The following RPRD1B variants were observed in gnomAD, a reference collection of about 807,000 sequenced individuals.
The protein encoded by RPRD1B is regulation of nuclear pre-mRNA domain containing 1B.
In RPRD1B, 11 loss-of-function variants were observed where a neutral mutation model predicts 41.5. That is an observed-to-expected ratio of 0.27 (90% CI 0.17 to 0.44). RPRD1B has a LOEUF of 0.44. Ranked by LOEUF, RPRD1B falls within the 20% of genes least tolerant of loss-of-function variation. RPRD1B has a pLI of 1.00. For missense variants in RPRD1B, 248 were observed against 389.9 expected, an observed-to-expected ratio of 0.64 and a Z score of 3.06; for synonymous variants, 158 against 155.6, an observed-to-expected ratio of 1.02 and a Z score of -0.12.
In RPRD1B at chr20:38,057,663, A is replaced by G; in HGVS notation, c.528+19A>G. 1 of 1,559,716 alleles carries G rather than the reference A, an allele frequency of 6.4e-7. No homozygotes were observed. The highest frequency in any genetic ancestry group is 1.8e-4 in the Middle Eastern group (1 of 5,572). Reference sequence around the variant, plus strand: ...CCTCTTGGTAGGTCTTGACCCCCAGAGAGTAGGGAACAGTGGCTTAAAGTG... The same window carrying G: ...CCTCTTGGTAGGTCTTGACCCCCAGGGAGTAGGGAACAGTGGCTTAAAGTG... On this transcript the variant is annotated intron_variant, in intron 4 of 6. Transcript: ENST00000373433.
intron 6 of RPRD1B, among the ~76,000 whole-genome samples, chr20:38,082,541 C>G (rs1246326610): frequency 1.3e-5 from 2 of 152,164 alleles, no homozygotes; most frequent in Non-Finnish European, 2.9e-5. Flanking sequence ...GCACCTGCTA[C>G]CATGCCTGGC....
At chr20:38,073,204 T>C (rs2074428323) in intron 6 of RPRD1B, among the ~76,000 whole-genome samples, 1 of 152,222 alleles carries the variant, frequency 6.6e-6, no homozygotes, top group Admixed American at 6.5e-5. Context: ...TGACATTTTA[T>C]GTGGGGTCAT....
intron 6 of RPRD1B, among the ~76,000 whole-genome samples, chr20:38,072,710 G>A (rs2074424315): frequency 1.3e-5 from 2 of 152,134 alleles, no homozygotes; most frequent in Non-Finnish European, 2.9e-5. Flanking sequence ...AGCACTCTAG[G>A]AGAGTGTCAT....
rs140408970 is a variant in RPRD1B, at chr20:38,050,137, C to T, written c.415+1656C>T. On this transcript the variant is annotated intron_variant, in intron 3 of 6. Coordinates refer to ENST00000373433, the MANE Select transcript of RPRD1B (RefSeq NM_021215.4). ...ACATGCATCTGCTATAGAACCTAGT[C>T]ATGATTAGCATGTGTGACAGTATCC... Among the ~76,000 whole-genome samples the T allele has an allele frequency of 7.1e-3, 1,087 of 152,326 alleles. 5 individuals carry two copies. The highest frequency in any genetic ancestry group is 0.021 in the African/African-American group (870 of 41,564).
chr20:38,081,769 T>A (rs2074514807), intron 6 of RPRD1B, among the ~76,000 whole-genome samples: 1 of 152,226 alleles, frequency 6.6e-6, no homozygotes, highest in East Asian at 1.9e-4. Context: ...GAAGGGATGT[T>A]GAATTGTATC....
intron 5 of RPRD1B, among the ~76,000 whole-genome samples, chr20:38,062,322 C>G: frequency 6.6e-6 from 1 of 152,296 alleles, no homozygotes; most frequent in Non-Finnish European, 1.5e-5. Flanking sequence ...CAGCCATTCT[C>G]ACCCAATTTC....
intron 6 of RPRD1B, among the ~76,000 whole-genome samples, chr20:38,076,905 C>CTTTTTTTTTTTT (rs1568660539): frequency 1.1e-5 from 1 of 95,196 alleles, no homozygotes; most frequent in African/African-American, 4.1e-5. Flanking sequence ...TCATTCTGGA[C>CTTTTTTTTTTTT]CTTTTTTTTT....
At chr20:38,084,421 T>C (rs1416896522) in intron 6 of RPRD1B, among the ~76,000 whole-genome samples, 2 of 151,936 alleles carry the variant, frequency 1.3e-5, no homozygotes, top group African/African-American at 4.8e-5. Context: ...AGAAGGAAAA[T>C]AGGTTTAATA....
Position 38,090,787 on chromosome 20 carries a change from G to T in RPRD1B, c.*912G>T, listed in dbSNP as rs1232075916. 2 of 985,248 alleles carry T rather than the reference G, an allele frequency of 2.0e-6. No homozygotes were observed. The highest frequency in any genetic ancestry group is 9.4e-5 in the South Asian group (2 of 21,288). 61.0% of individuals were successfully genotyped at this position (985,248 alleles called of 1,614,324 possible). ...GGTGTTTCTTGGACCCTTTCTTCTGGGAGTAGGGTACACACTAACGTTTAA... is the reference window on the plus strand; with the variant it reads ...GGTGTTTCTTGGACCCTTTCTTCTGTGAGTAGGGTACACACTAACGTTTAA... On this transcript the variant is annotated 3_prime_UTR_variant, in exon 7 of 7. Coordinates refer to ENST00000373433, the MANE Select transcript of RPRD1B (RefSeq NM_021215.4).
At chr20:38,042,210 C>G (rs570530248) in intron 2 of RPRD1B, among the ~76,000 whole-genome samples, 2 of 152,090 alleles carry the variant, frequency 1.3e-5, no homozygotes, top group Non-Finnish European at 2.9e-5. Context: ...AAAAATTAGC[C>G]AGGCATGGTG....
intron 6 of RPRD1B, among the ~76,000 whole-genome samples, chr20:38,077,647 T>C (rs1458428208): frequency 1.3e-5 from 2 of 152,178 alleles, no homozygotes; most frequent in Middle Eastern, 3.2e-3. Context: ...TTCATGAATC[T>C]GCCTCCCTTC....
At chr20:38,035,419 A>G (rs2073991495) in intron 1 of RPRD1B, among the ~76,000 whole-genome samples, 1 of 152,188 alleles carries the variant, frequency 6.6e-6, no homozygotes, top group Non-Finnish European at 1.5e-5. Context: ...AGGAAACTGA[A>G]GTGGCTAAGT....
intron 5 of RPRD1B, among the ~76,000 whole-genome samples, chr20:38,063,428 A>G (rs2074320654): frequency 6.6e-6 from 1 of 152,248 alleles, no homozygotes; most frequent in Non-Finnish European, 1.5e-5. Flanking sequence ...GCCTAGTTAT[A>G]AGAACTCAAA....
At chr20:38,034,654 A>G (rs2073976138) in intron 1 of RPRD1B, among the ~76,000 whole-genome samples, 1 of 152,220 alleles carries the variant, frequency 6.6e-6, no homozygotes, top group African/African-American at 2.4e-5. Flanking sequence ...CCTCGCACTC[A>G]GTCCTTAGAA....
In RPRD1B at chr20:38,034,063, C is replaced by T. The variant is rs776063944; in HGVS notation, c.116C>T (p.Pro39Leu). The change falls in exon 1 of 7, where the codon CCC (proline) becomes CTC (leucine). Residue 39 changes from proline (P) to leucine (L), a missense_variant. Coordinates refer to ENST00000373433, the MANE Select transcript of RPRD1B (RefSeq NM_021215.4). ...ATCCACCACCGCAAGCACGCGGGAC[C>T]CATCGTCTCCGTGTGGCACCGCGAG... ...WLIHHRKHAG[P>L]IVSVWHRELR... 1.9e-6 allele frequency: 3 copies of T among 1,614,166 alleles called. No individual in the cohort carries two copies. Among genetic ancestry groups the T allele is most frequent in the Non-Finnish European group, 1.7e-6 (2 of 1,180,000 alleles).
chr20:38,065,883 AG>A, intron 5 of RPRD1B, 197 bp from the exon 6 acceptor site: 2 of 477,782 alleles, frequency 4.2e-6, no homozygotes, highest in Non-Finnish European at 7.4e-6. Flanking sequence ...CAGGTAATTG[AG>A]TAGTGTCCTG....
intron 6 of RPRD1B, among the ~76,000 whole-genome samples, chr20:38,079,827 T>C (rs981801043): frequency 2.0e-5 from 3 of 152,214 alleles, no homozygotes; most frequent in Admixed American, 6.5e-5. Context: ...CTGAACTAAT[T>C]TACATTCTCA....
rs1328168909 is a variant in RPRD1B, at chr20:38,089,988, CA to C, written c.*114del. 1 of 1,486,234 alleles carries C rather than the reference CA, an allele frequency of 6.7e-7. No homozygotes were observed. The highest frequency in any genetic ancestry group is 1.4e-5 in the African/African-American group (1 of 71,168). The allele number at this position is 1,486,234 out of a possible 1,614,324, so 92.1% of individuals were successfully genotyped here. ...CTATCCCTTCTTCCGCCCAGCCCCC[CA>C]GCCTCAAGAAAGAACCTCAGACTCT... On this transcript the variant is annotated 3_prime_UTR_variant, in exon 7 of 7. Coordinates refer to ENST00000373433, the MANE Select transcript of RPRD1B (RefSeq NM_021215.4).
At chr20:38,051,754 C>T (rs988757757) in intron 3 of RPRD1B, among the ~76,000 whole-genome samples, 5 of 152,110 alleles carry the variant, frequency 3.3e-5, no homozygotes, top group Admixed American at 6.6e-5. Flanking sequence ...TGAATCCTAG[C>T]TGTCATTTCT....
Sources: gnomAD v4.1 joint callset for allele counts (sites outside exome capture counted in the v4.1 genomes callset) on GRCh38, gnomAD v4.1.1 for gene constraint, MANE v1.5 for transcripts, NCBI Gene and HGNC (gene_info 2026-07-23, HGNC 2026-07-21) for gene names.